PDGFC: variants seen among roughly 807,000 people sequenced by gnomAD.
The protein encoded by PDGFC is platelet derived growth factor C.
PDGFC carries 12 observed loss-of-function variants against 35.5 expected under a neutral mutation model. That is an observed-to-expected ratio of 0.34 (90% CI 0.22 to 0.55). The LOEUF is 0.55. Among genes scored for constraint, PDGFC ranks in the 20% least tolerant of loss-of-function variants. The pLI, the probability that PDGFC is intolerant of heterozygous loss-of-function variation, is 0.91. For synonymous variants in PDGFC, 159 were observed against 148.8 expected (o/e 1.07, Z -0.50); for missense variants, 322 against 412.4 (o/e 0.78, Z 1.90).
intron 2 of PDGFC, among the ~76,000 whole-genome samples, chr4:156,827,840 T>C (rs1024839359): frequency 5.3e-5 from 8 of 152,114 alleles, no homozygotes; most frequent in Non-Finnish European, 1.0e-4. Context: ...TAATATCCAA[T>C]CCATGGCAAC....
intron 1 of PDGFC, among the ~76,000 whole-genome samples, chr4:156,953,643 C>A (rs910540323): frequency 6.6e-6 from 1 of 151,948 alleles, no homozygotes; most frequent in African/African-American, 2.4e-5. Flanking sequence ...AATGATAATA[C>A]TTTCAAAGTT....
intron 1 of PDGFC, among the ~76,000 whole-genome samples, chr4:156,933,656 C>T (rs1433255585): frequency 6.6e-6 from 1 of 152,126 alleles, no homozygotes; most frequent in African/African-American, 2.4e-5. Flanking sequence ...TCTGTGTCCC[C>T]ACCCAAATCT....
rs140651474 is a variant in PDGFC, at chr4:156,797,770, T to C, written c.495+13067A>G. 5.0e-3 allele frequency among the ~76,000 whole-genome samples: 762 copies of C among 152,308 alleles called. 6 individuals are homozygous for C. The highest frequency in any genetic ancestry group is 0.017 in the African/African-American group (724 of 41,572). On this transcript the variant is annotated intron_variant, in intron 3 of 5. Transcript: ENST00000502773. The stretch of plus-strand genomic sequence containing the variant: ...CTTGGAGTTGGTCACCTGCGAGCGG[T>C]TGAAGTACGGCTGCTGTGATTGGCT...
At chr4:156,821,496 C>A (rs1198266292) in intron 2 of PDGFC, among the ~76,000 whole-genome samples, 2 of 151,942 alleles carry the variant, frequency 1.3e-5, no homozygotes, top group African/African-American at 4.8e-5. Context: ...CCACCTCGGC[C>A]GCCCAACATG....
rs1433539511 is a variant in PDGFC at position 156,767,773 on chromosome 4, C to T, written c.921G>A (p.Glu307=). The T allele has an allele frequency of 6.3e-7, 1 of 1,595,434 alleles. No homozygotes were observed. The highest frequency in any genetic ancestry group is 1.1e-5 in the South Asian group (1 of 90,674). ...VPSKVTKKYH[E]VLQLRPKTGV... ...ACCAAAAAGAAAATTGTATACCTAC[C>T]TCGTGGTATTTTTTAGTAACTTTGC... Residue 307 remains glutamate, a splice_region_variant and synonymous_variant, in exon 5 of 6, where the codon GAG becomes GAA. Coordinates refer to ENST00000502773, the MANE Select transcript of PDGFC (RefSeq NM_016205.3).
intron 4 of PDGFC, among the ~76,000 whole-genome samples, chr4:156,771,673 G>C (rs1227221776): frequency 6.6e-6 from 1 of 152,176 alleles, no homozygotes; most frequent in South Asian, 2.1e-4. Flanking sequence ...GCAACTCTTA[G>C]AGCAGGAAAG....
intron 3 of PDGFC, among the ~76,000 whole-genome samples, chr4:156,796,491 A>ATTTTT (rs35891804): frequency 7.9e-5 from 8 of 101,590 alleles, no homozygotes; most frequent in Non-Finnish European, 1.4e-4. Flanking sequence ...ACCACTTTGT[A>ATTTTT]TTTTTTTTTT....
chr4:156,854,234 C>T (rs932054725), intron 1 of PDGFC, among the ~76,000 whole-genome samples: 1 of 152,022 alleles, frequency 6.6e-6, no homozygotes, highest in Non-Finnish European at 1.5e-5. Flanking sequence ...AAAACAAATG[C>T]CTTTTATCCA....
chr4:156,826,174 A>ATGTTTTTTTT (rs1553967848), intron 2 of PDGFC, among the ~76,000 whole-genome samples: 1 of 43,768 alleles, frequency 2.3e-5, no homozygotes, highest in South Asian at 1.5e-3. Flanking sequence ...TTTGAGTTGG[A>ATGTTTTTTTT]TTTTTTTTTT....
intron 3 of PDGFC, among the ~76,000 whole-genome samples, chr4:156,804,449 T>C (rs1374895455): frequency 2.0e-5 from 3 of 151,950 alleles, no homozygotes; most frequent in Admixed American, 6.6e-5. Flanking sequence ...TTATACTGAA[T>C]AGCTCCTGGA....
intron 1 of PDGFC, among the ~76,000 whole-genome samples, chr4:156,874,429 A>G (rs1730060608): frequency 6.6e-6 from 1 of 152,134 alleles, no homozygotes; most frequent in Non-Finnish European, 1.5e-5. Flanking sequence ...AGGCTTAAGT[A>G]TAAAGTGATT....
intron 1 of PDGFC, among the ~76,000 whole-genome samples, chr4:156,905,957 C>G (rs1413339232): frequency 6.6e-6 from 1 of 152,030 alleles, no homozygotes; most frequent in East Asian, 1.9e-4. Context: ...TGTAAAGTGT[C>G]AGTGACCAAA....
rs759311011 is a variant in PDGFC, at chr4:156,963,605, T to C, written c.118+7181A>G. On this transcript the variant is annotated intron_variant, in intron 1 of 5. Transcript: ENST00000502773. Reference sequence around the variant, plus strand: ...AGTGAAGCCAGCCTGGCAAAGATAGTCTGGTGTGGAAACAGGGCAAATAAC... The same window carrying C: ...AGTGAAGCCAGCCTGGCAAAGATAGCCTGGTGTGGAAACAGGGCAAATAAC... Among the ~76,000 whole-genome samples, 6 of 152,168 alleles carry C rather than the reference T, an allele frequency of 3.9e-5. No homozygotes were observed. The East Asian group carries it at 9.7e-4, about 25-fold the overall frequency.
At chr4:156,854,510 C>CA (rs1729527698) in intron 1 of PDGFC, among the ~76,000 whole-genome samples, 1 of 151,924 alleles carries the variant, frequency 6.6e-6, no homozygotes, top group Non-Finnish European at 1.5e-5. Flanking sequence ...TTACTGCTCC[C>CA]AAAAAATTCA....
chr4:156,787,815 G>T (rs1443492178), intron 3 of PDGFC, among the ~76,000 whole-genome samples: 1 of 152,168 alleles, frequency 6.6e-6, no homozygotes, highest in African/African-American at 2.4e-5. Flanking sequence ...TAAGTAGCGT[G>T]AGGAAAGTGT....
intron 5 of PDGFC, among the ~76,000 whole-genome samples, chr4:156,764,438 G>A (rs1310372585): frequency 6.6e-6 from 1 of 152,148 alleles, no homozygotes; most frequent in African/African-American, 2.4e-5. Context: ...ACACATGAGT[G>A]AACAGAGGCT....
chr4:156,948,569 C>T (rs1424302535), intron 1 of PDGFC, among the ~76,000 whole-genome samples: 1 of 151,992 alleles, frequency 6.6e-6, no homozygotes, highest in East Asian at 1.9e-4. Flanking sequence ...TTCCCTGAAC[C>T]CTCTGTTTAA....
At chr4:156,841,091 G>C (rs1333866206) in intron 2 of PDGFC, among the ~76,000 whole-genome samples, 1 of 151,840 alleles carries the variant, frequency 6.6e-6, no homozygotes, top group East Asian at 1.9e-4. Context: ...AGATTTTGGG[G>C]GACTGTTGGA....
rs1474676103 is a variant in PDGFC, at chr4:156,761,140, G to C, written c.*1950C>G. The C allele has an allele frequency of 6.6e-6, 1 of 152,282 alleles. No individual in the cohort carries two copies. Among genetic ancestry groups the C allele is most frequent in the East Asian group, 1.9e-4 (1 of 5,188 alleles). 9.4% of individuals were successfully genotyped at this position (152,282 alleles called of 1,614,324 possible). A position where few individuals can be genotyped will look rare whatever the true frequency, so the allele number is the denominator to read the frequency against. On this transcript the variant is annotated 3_prime_UTR_variant, in exon 6 of 6. Coordinates refer to ENST00000502773, the MANE Select transcript of PDGFC (RefSeq NM_016205.3). ...CCTGGACACTAGACATCTCTGCCAA[G>C]TTGAAAGGCTGAGGAAAGGATGCTG...
Sources: gnomAD v4.1 joint callset for allele counts (sites outside exome capture counted in the v4.1 genomes callset) on GRCh38, gnomAD v4.1.1 for gene constraint, MANE v1.5 for transcripts, NCBI Gene and HGNC (gene_info 2026-07-23, HGNC 2026-07-21) for gene names.